ABCC5: variants seen among roughly 807,000 people sequenced by gnomAD.
The protein encoded by ABCC5 is ATP-binding cassette sub-family C member 5.
A neutral mutation model predicts 160.9 loss-of-function variants in ABCC5; 61 were observed. The ratio of observed to expected loss-of-function variants is 0.38; its 90% confidence interval spans 0.31 to 0.47. ABCC5 has a LOEUF of 0.47. Ranked by LOEUF, ABCC5 falls within the 20% of genes least tolerant of loss-of-function variation. The pLI is 0.99. For synonymous variants in ABCC5, 666 were observed against 700.6 expected (o/e 0.95, Z 0.78); for missense variants, 1,308 against 1,813.3 (o/e 0.72, Z 5.06).
chr3:183,949,898 C>A lies in ABCC5; in HGVS notation c.3099-17G>T, dbSNP rs368883709. On this transcript the variant is annotated splice_polypyrimidine_tract_variant and intron_variant, in intron 21 of 29. Transcript: ENST00000334444. The surrounding 1 kb of genome is among the most constrained non-coding windows in gnomAD (Gnocchi z 4.2). ...ATCAGGACCCTGGAGAGAGAATGAG[C>A]TCCGTGTCACAGCACCTACCCAGCA... 25 of 1,614,000 alleles carry A rather than the reference C, an allele frequency of 1.5e-5. No homozygotes were observed. The highest frequency in any genetic ancestry group is 2.0e-5 in the Non-Finnish European group (24 of 1,180,012).
Position 183,921,520 on chromosome 3 carries a change from T to C in ABCC5, c.4213-119A>G. 1.4e-6 allele frequency: 1 copy of C among 734,424 alleles called. No individual in the cohort carries two copies. Among genetic ancestry groups the C allele is most frequent in the South Asian group, 2.9e-5 (1 of 33,918 alleles). 45.5% of individuals were successfully genotyped at this position (734,424 alleles called of 1,614,324 possible). On this transcript the variant is annotated intron_variant, in intron 29 of 29. Coordinates refer to ENST00000334444, the MANE Select transcript of ABCC5 (RefSeq NM_005688.4). This position sits in a 1 kb window ranked among gnomAD's most constrained non-coding sequence, Gnocchi z 4.1. Reference sequence around the variant, plus strand: ...GGGTAGAATCTGGGGACAATTCAACTAGCCCTGCGTGCACCTCCCCCCTTA... The same window carrying C: ...GGGTAGAATCTGGGGACAATTCAACCAGCCCTGCGTGCACCTCCCCCCTTA...
chr3:183,975,322 G>C (rs1048914299), intron 10 of ABCC5, among the ~76,000 whole-genome samples: 4 of 152,104 alleles, frequency 2.6e-5, no homozygotes, highest in Non-Finnish European at 5.9e-5. Context: ...GAGTTCGGGA[G>C]GAATTAAGTA....
At chr3:183,992,428 G>T (rs1161825398) in intron 2 of ABCC5, among the ~76,000 whole-genome samples, 1 of 152,144 alleles carries the variant, frequency 6.6e-6, no homozygotes, top group African/African-American at 2.4e-5. Flanking sequence ...AACATATTCT[G>T]TGCTAAACAG....
At position 183,956,735 on chromosome 3, in the gene ABCC5, A is replaced by C. The variant is rs75842454; in HGVS notation, c.2482+2998T>G. Among the ~76,000 whole-genome samples, 27 of 22,062 alleles carry C rather than the reference A, an allele frequency of 1.2e-3. 2 individuals are homozygous for C. Among genetic ancestry groups the C allele is most frequent in the African/African-American group, 2.1e-3 (5 of 2,330 alleles). 14.5% of individuals were successfully genotyped at this position (22,062 alleles called of 152,430 possible). A position where few individuals can be genotyped will look rare whatever the true frequency, so the allele number is the denominator to read the frequency against. On this transcript the variant is annotated intron_variant, in intron 17 of 29. Coordinates refer to ENST00000334444, the MANE Select transcript of ABCC5 (RefSeq NM_005688.4). The stretch of plus-strand genomic sequence containing the variant: ...TAGGTTACATGCAGATCCGTGTGTA[A>C]ATCACATCGGTTACATGCGGATCCG...
At chr3:183,971,415 G>C in intron 11 of ABCC5, 148 bp downstream of exon 11, 1 of 642,052 alleles carries the variant, frequency 1.6e-6, no homozygotes, top group Non-Finnish European at 2.6e-6. Context: ...TTTTTTTTTA[G>C]AGTTAGAGCT....
chr3:183,940,479 A>AT, intron 25 of ABCC5, among the ~76,000 whole-genome samples: 1 of 150,984 alleles, frequency 6.6e-6, no homozygotes. Flanking sequence ...AAAAAAAAAA[A>AT]AAAAAAAAAT....
chr3:184,014,170 GC>G lies in ABCC5; in HGVS notation c.129+93del. On this transcript the variant is annotated intron_variant, in intron 2 of 29. Transcript: ENST00000334444. Reference sequence around the variant, plus strand: ...TTATAGGCGTGAGCCACCGCGCCCGGCCAAAAAATAAGTTTCTAAATTACCC... The same window carrying G: ...TTATAGGCGTGAGCCACCGCGCCCGGCAAAAAATAAGTTTCTAAATTACCC... 3.1e-6 allele frequency: 4 copies of G among 1,279,000 alleles called. No individual in the cohort carries two copies. The Admixed American group carries it at 8.4e-5, about 27-fold the overall frequency. The allele number at this position is 1,279,000 out of a possible 1,614,324, so 79.2% of individuals were successfully genotyped here.
At position 183,951,843 on chromosome 3, in the gene ABCC5, C is replaced by A. The variant is rs1392768276; in HGVS notation, c.2814+14G>T. On this transcript the variant is annotated intron_variant, in intron 19 of 29. Transcript: ENST00000334444. The surrounding 1 kb of genome is among the most constrained non-coding windows in gnomAD (Gnocchi z 4.7). ...CACCAGGGAGGAGGGCAGAGACCAC[C>A]CACCAATGCATACCTTGACAAAGAC... is the stretch of plus-strand genomic sequence containing the variant. The A allele has an allele frequency of 7.5e-6, 12 of 1,610,418 alleles. No homozygotes were observed. The highest frequency in any genetic ancestry group is 1.7e-5 in the Admixed American group (1 of 59,980).
intron 22 of ABCC5, among the ~76,000 whole-genome samples, chr3:183,948,589 G>T (rs1293882586): frequency 6.6e-6 from 1 of 151,852 alleles, no homozygotes; most frequent in Non-Finnish European, 1.5e-5. Context: ...GTTACCAAAG[G>T]TTTACCATGA....
In ABCC5 at chr3:183,920,463, C is replaced by A. The variant is rs977363490; in HGVS notation, c.*837G>T. The A allele has an allele frequency of 6.6e-6, 1 of 152,620 alleles. No homozygotes were observed. Among genetic ancestry groups the A allele is most frequent in the African/African-American group, 2.4e-5 (1 of 41,446 alleles). The allele number at this position is 152,620 out of a possible 1,614,324, so 9.5% of individuals were successfully genotyped here. On this transcript the variant is annotated 3_prime_UTR_variant, in exon 30 of 30. Coordinates refer to ENST00000334444, the MANE Select transcript of ABCC5 (RefSeq NM_005688.4). This position sits in a 1 kb window ranked among gnomAD's most constrained non-coding sequence, Gnocchi z 4.1. The stretch of plus-strand genomic sequence containing the variant: ...TAGGAACCTGAGGCAGTGGGACTCT[C>A]TGTGGATAGACTGATTCTTGTTTAG...
chr3:183,955,039 G>A (rs1161356606), intron 17 of ABCC5, among the ~76,000 whole-genome samples: 3 of 152,082 alleles, frequency 2.0e-5, no homozygotes, highest in Admixed American at 6.5e-5. Context: ...TGGGGGAGTG[G>A]TGGGGGACAG....
intron 27 of ABCC5, among the ~76,000 whole-genome samples, chr3:183,928,194 C>T (rs1712795473): frequency 6.6e-6 from 1 of 151,546 alleles, no homozygotes; most frequent in South Asian, 2.1e-4. Flanking sequence ...TCACTGCAAC[C>T]TCTGTCTCCT....
Position 183,987,742 on chromosome 3 carries a change from A to G in ABCC5, c.591+28T>C, listed in dbSNP as rs140530675. On this transcript the variant is annotated intron_variant, in intron 5 of 29. Transcript: ENST00000334444. This position sits in a 1 kb window ranked among gnomAD's most constrained non-coding sequence, Gnocchi z 4.2. ...GCTGGCCGTGGCCGGGCCCCTGGAG[A>G]CTGTCGGAAAGGATGGTTAGAACTT... 9.9e-6 allele frequency: 16 copies of G among 1,613,976 alleles called. No homozygotes were observed. Among genetic ancestry groups the G allele is most frequent in the Non-Finnish European group, 1.4e-5 (16 of 1,180,014 alleles).
At chr3:183,967,645 T>C in intron 12 of ABCC5, 50 bp downstream of exon 12, 6 of 1,523,418 alleles carry the variant, frequency 3.9e-6, no homozygotes, top group Non-Finnish European at 5.5e-6. Context: ...TTCCTGAGAC[T>C]CTTGCAAACC....
intron 11 of ABCC5, among the ~76,000 whole-genome samples, chr3:183,970,953 C>T (rs953905880): frequency 1.3e-5 from 2 of 152,148 alleles, no homozygotes; most frequent in Non-Finnish European, 2.9e-5. Flanking sequence ...TATACACATC[C>T]GGGGCCCTCT....
Position 183,946,734 on chromosome 3 carries a change from C to A in ABCC5, c.3414+590G>T, listed in dbSNP as rs1577493123. 2.6e-5 allele frequency among the ~76,000 whole-genome samples: 4 copies of A among 152,206 alleles called. 1 individual carries two copies. Among genetic ancestry groups the A allele is most frequent in the Admixed American group, 2.6e-4 (4 of 15,284 alleles). Reference sequence around the variant, plus strand: ...TCCAAATATTTCAGCTTGTACCTCTCTAAAATATAGACTCCTTAAAAACAT... The same window carrying A: ...TCCAAATATTTCAGCTTGTACCTCTATAAAATATAGACTCCTTAAAAACAT... On this transcript the variant is annotated intron_variant, in intron 23 of 29. Transcript: ENST00000334444.
At chr3:183,957,574 T>C (rs375492394) in intron 17 of ABCC5, among the ~76,000 whole-genome samples, 5 of 151,606 alleles carry the variant, frequency 3.3e-5, no homozygotes, top group Admixed American at 1.3e-4. Flanking sequence ...GTACATCACA[T>C]CGGTTACATG....
At chr3:184,016,551 A>G (rs546279665) in intron 1 of ABCC5, among the ~76,000 whole-genome samples, 2 of 152,336 alleles carry the variant, frequency 1.3e-5, no homozygotes, top group South Asian at 4.1e-4. Flanking sequence ...CAGGCCAGCC[A>G]TTTTACTGAT....
intron 26 of ABCC5, among the ~76,000 whole-genome samples, chr3:183,937,692 C>A (rs1462678443): frequency 2.6e-5 from 4 of 152,176 alleles, no homozygotes; most frequent in South Asian, 2.1e-4. Context: ...GTGTTGCAGG[C>A]CTCCCTGCAC....
Sources: gnomAD v4.1 joint callset for allele counts (sites outside exome capture counted in the v4.1 genomes callset) on GRCh38, gnomAD v4.1.1 for gene constraint, Gnocchi (gnomAD v3.1) non-coding constraint, MANE v1.5 for transcripts, NCBI Gene and HGNC (gene_info 2026-07-23, HGNC 2026-07-21) for gene names.